The following TUSC3 variants were observed in gnomAD, a reference collection of about 807,000 sequenced individuals.
TUSC3 encodes tumor suppressor candidate 3, also known as dolichyl-diphosphooligosaccharide--protein glycosyltransferase subunit TUSC3.
TUSC3 carries 45 observed loss-of-function variants against 44.8 expected under a neutral mutation model. The ratio of observed to expected loss-of-function variants is 1.00; its 90% CI spans 0.79 to 1.29. The LOEUF (loss-of-function observed/expected upper bound fraction) is 1.29, where lower values mean the gene tolerates loss of function less well. Ranked by LOEUF, TUSC3 falls within the 50% of genes most tolerant of loss-of-function variation. The pLI is 0.00. For missense variants in TUSC3, 519 were observed against 437.9 expected, an observed-to-expected ratio of 1.19 and a Z score of -1.65; for synonymous variants, 212 against 152.9, an observed-to-expected ratio of 1.39 and a Z score of -2.85.
chr8:15,738,827 C>CTTTTTTTTTTCTTTTTTTTT (rs1373248681), intron 7 of TUSC3, among the ~76,000 whole-genome samples: 6 of 87,158 alleles, frequency 6.9e-5, no homozygotes, highest in Admixed American at 1.5e-4. Context: ...ATATATCTTG[C>CTTTTTTTTTTCTTTTTTTTT]TTTTTTTTTT....
chr8:15,648,823 C>A (rs1806755102), intron 2 of TUSC3, among the ~76,000 whole-genome samples: 1 of 147,488 alleles, frequency 6.8e-6, no homozygotes, highest in Non-Finnish European at 1.5e-5. Context: ...TTCCTTTAAA[C>A]CCGGTGTTTC....
chr8:15,831,554 A>G, the TUSC3 span, among the ~76,000 whole-genome samples: 1 of 143,660 alleles, frequency 7.0e-6, no homozygotes, highest in Admixed American at 6.9e-5. Flanking sequence ...AAGAATTACA[A>G]CAAAATGATA....
intron 1 of TUSC3, among the ~76,000 whole-genome samples, chr8:15,428,685 C>T (rs1275911598): frequency 6.6e-6 from 1 of 152,124 alleles, no homozygotes; most frequent in African/African-American, 2.4e-5. Context: ...GATGATATCT[C>T]ATTGTGGTTT....
At chr8:15,573,200 CTCTA>C (rs1270522482) in intron 1 of TUSC3, among the ~76,000 whole-genome samples, 1,221 of 99,438 alleles carry the variant, frequency 0.012, 5 homozygotes, top group East Asian at 0.031. Context: ...CTCTCTCTCT[CTCTA>C]TATATATATA....
intron 6 of TUSC3, among the ~76,000 whole-genome samples, chr8:15,701,180 A>G (rs1179005820): frequency 6.6e-6 from 1 of 152,152 alleles, no homozygotes; most frequent in Non-Finnish European, 1.5e-5. Context: ...TATTTTAATA[A>G]GTGTATATTT....
the TUSC3 span, among the ~76,000 whole-genome samples, chr8:15,781,509 A>G: frequency 2.6e-5 from 4 of 152,348 alleles, no homozygotes; most frequent in Non-Finnish European, 5.9e-5. Context: ...CATACAAGAC[A>G]GTCAATAAGA....
rs190228686 is a variant in TUSC3, at chr8:15,567,900, A to G, written c.138+27332A>G. 1.6e-4 allele frequency among the ~76,000 whole-genome samples: 24 copies of G among 152,288 alleles called. No homozygotes were observed. The East Asian group carries it at 3.7e-3, about 23-fold the overall frequency. ...CCATGTTTGCATTTGGGTTGTTGGT[A>G]ATGAAAGACACATTGAGTAATGTGT... On this transcript the variant is annotated intron_variant, in intron 1 of 10. Transcript: ENST00000503731.
At chr8:15,708,712 C>G (rs1239838020) in intron 6 of TUSC3, among the ~76,000 whole-genome samples, 1 of 151,890 alleles carries the variant, frequency 6.6e-6, no homozygotes, top group Non-Finnish European at 1.5e-5. Context: ...ATAATGCTTT[C>G]TGTCTAGCAT....
At chr8:15,752,517 T>C (rs2129220500) in intron 9 of TUSC3, among the ~76,000 whole-genome samples, 1 of 152,272 alleles carries the variant, frequency 6.6e-6, no homozygotes, top group Admixed American at 6.5e-5. Flanking sequence ...AATAATTATT[T>C]TTCCAGATGA....
At chr8:15,779,938 A>G in the TUSC3 span, among the ~76,000 whole-genome samples, 2 of 152,318 alleles carry the variant, frequency 1.3e-5, no homozygotes, top group Middle Eastern at 3.4e-3. Context: ...AAACAAAACG[A>G]GCGGTCTTTC....
At chr8:15,799,767 G>C in the TUSC3 span, among the ~76,000 whole-genome samples, 6 of 152,196 alleles carry the variant, frequency 3.9e-5, no homozygotes, top group Non-Finnish European at 7.3e-5. Context: ...TGAAGGGTCT[G>C]AAATCTTACT....
At chr8:15,798,800 A>G in the TUSC3 span, among the ~76,000 whole-genome samples, 1 of 152,144 alleles carries the variant, frequency 6.6e-6, no homozygotes, top group Non-Finnish European at 1.5e-5. Context: ...GTTCACTTTA[A>G]TGTGGGACAC....
intron 2 of TUSC3, among the ~76,000 whole-genome samples, chr8:15,488,477 G>C (rs1455383057): frequency 6.6e-6 from 1 of 152,082 alleles, no homozygotes; most frequent in Admixed American, 6.6e-5. Context: ...ACTCCAGCCT[G>C]GGTGTCAGAG....
chr8:15,601,075 T>C (rs1804269761), intron 1 of TUSC3, among the ~76,000 whole-genome samples: 1 of 151,704 alleles, frequency 6.6e-6, no homozygotes, highest in Non-Finnish European at 1.5e-5. Flanking sequence ...AAAATATGAA[T>C]TAACTTTGTT....
chr8:15,849,650 A>C, the TUSC3 span, among the ~76,000 whole-genome samples: 1 of 152,124 alleles, frequency 6.6e-6, no homozygotes, highest in African/African-American at 2.4e-5. Context: ...CACACTAGCA[A>C]ATCCTGTAAG....
In TUSC3 at chr8:15,564,969, A is replaced by G. The variant is rs568964885; in HGVS notation, c.138+24401A>G. Among the ~76,000 whole-genome samples the G allele has an allele frequency of 1.1e-4, 16 of 152,278 alleles. 1 individual carries two copies. The South Asian group carries it at 3.3e-3, about 32-fold the overall frequency. ...CATGGGCAGATATGAGGTTTGAAGCATTGTTCAGGGAAGTCCAGGATGACC... is the reference window on the plus strand; with the variant it reads ...CATGGGCAGATATGAGGTTTGAAGCGTTGTTCAGGGAAGTCCAGGATGACC... On this transcript the variant is annotated intron_variant, in intron 1 of 10. Transcript: ENST00000503731.
intron 3 of TUSC3, among the ~76,000 whole-genome samples, chr8:15,651,630 AG>A (rs569587675): frequency 1.6e-4 from 24 of 152,210 alleles, no homozygotes; most frequent in Non-Finnish European, 3.4e-4. Context: ...GTCACAGGCC[AG>A]GAAGAGGAGC....
At chr8:15,814,931 A>C in the TUSC3 span, among the ~76,000 whole-genome samples, 1 of 152,200 alleles carries the variant, frequency 6.6e-6, no homozygotes, top group Non-Finnish European at 1.5e-5. Context: ...GTACGGGAGA[A>C]ATATAAAACA....
chr8:15,467,213 C>A (rs1800425929), intron 1 of TUSC3, among the ~76,000 whole-genome samples: 1 of 147,126 alleles, frequency 6.8e-6, no homozygotes, highest in East Asian at 2.0e-4. Context: ...CACTACGGTG[C>A]TATTCTACTT....
Sources: gnomAD v4.1 joint callset for allele counts (sites outside exome capture counted in the v4.1 genomes callset) on GRCh38, gnomAD v4.1.1 for gene constraint, MANE v1.5 for transcripts, NCBI Gene and HGNC (gene_info 2026-07-23, HGNC 2026-07-21) for gene names.